The following HRH4 variants were observed in gnomAD, a reference collection of about 807,000 sequenced individuals.
The protein encoded by HRH4 is histamine H4 receptor.
Under a neutral mutation model 10.4 loss-of-function variants are expected in HRH4, and 12 were observed. The ratio of observed to expected loss-of-function variants is 1.15; its 90% CI spans 0.74 to 1.87. The LOEUF (loss-of-function observed/expected upper bound fraction) is 1.87, where lower values mean the gene tolerates loss of function less well. Among genes scored for constraint, HRH4 ranks in the 40% most tolerant of loss-of-function variants. The pLI is 0.00. For missense variants in HRH4, 415 were observed against 453.3 expected (o/e 0.92, Z 0.77); for synonymous variants, 154 against 166.6 (o/e 0.92, Z 0.58).
intron 1 of HRH4, among the ~76,000 whole-genome samples, chr18:24,467,807 G>T (rs968720773): frequency 5.3e-5 from 8 of 152,166 alleles, no homozygotes; most frequent in African/African-American, 1.9e-4. Flanking sequence ...GCCTCCCAGA[G>T]GGCTGGGATT....
rs573437934 is a variant in HRH4, at chr18:24,470,952, G to A, written c.357+2001G>A. 2.0e-5 allele frequency among the ~76,000 whole-genome samples: 3 copies of A among 149,288 alleles called. No individual in the cohort carries two copies. The Admixed American group carries it at 2.0e-4, about 10-fold the overall frequency. ...GATTTTTTTTTTTTAACCAAGTAGTGCAGAATCACACAGTCATTTCCGCTT... is the reference window on the plus strand; with the variant it reads ...GATTTTTTTTTTTTAACCAAGTAGTACAGAATCACACAGTCATTTCCGCTT... On this transcript the variant is annotated intron_variant, in intron 2 of 2. Coordinates refer to ENST00000256906, the MANE Select transcript of HRH4 (RefSeq NM_021624.4).
chr18:24,467,725 G>A (rs1467553164), intron 1 of HRH4, among the ~76,000 whole-genome samples: 1 of 152,022 alleles, frequency 6.6e-6, no homozygotes. Context: ...TGTATTTTTA[G>A]TAGAGATGAG....
chr18:24,469,799 GT>G (rs767375078), intron 2 of HRH4, among the ~76,000 whole-genome samples: 1 of 152,068 alleles, frequency 6.6e-6, no homozygotes, highest in African/African-American at 2.4e-5. Context: ...ATGTGTGCAG[GT>G]TTTTTTACAT....
intron 2 of HRH4, 106 bp downstream of exon 2, chr18:24,469,057 G>T: frequency 1.3e-6 from 1 of 786,524 alleles, no homozygotes; most frequent in Non-Finnish European, 2.0e-6. Context: ...TAATCGACAG[G>T]CCTTAGAGGA....
At chr18:24,475,750 G>A (rs1245091604) in intron 2 of HRH4, among the ~76,000 whole-genome samples, 4 of 152,226 alleles carry the variant, frequency 2.6e-5, no homozygotes, top group Non-Finnish European at 5.9e-5. Flanking sequence ...GCTCACATGT[G>A]TAATCCAAGC....
intron 2 of HRH4, 84 bp from the exon 3 acceptor site, chr18:24,476,663 C>A: frequency 9.6e-7 from 1 of 1,046,174 alleles, no homozygotes; most frequent in Non-Finnish European, 1.4e-6. Context: ...TTTGCACATC[C>A]CTGAAATTTC....
chr18:24,479,282 A>T lies in HRH4; in HGVS notation c.*1720A>T, dbSNP rs2144389626. On this transcript the variant is annotated 3_prime_UTR_variant, in exon 3 of 3. Coordinates refer to ENST00000256906, the MANE Select transcript of HRH4 (RefSeq NM_021624.4). ...AGACACCACAATAATTATTGCCTGT[A>T]TGTCAATTATTATTTTAAAATATTG... 1 of 152,224 alleles carries T rather than the reference A, an allele frequency of 6.6e-6. No homozygotes were observed. Among genetic ancestry groups the T allele is most frequent in the South Asian group, 2.1e-4 (1 of 4,828 alleles). The allele number at this position is 152,224 out of a possible 1,614,324, so 9.4% of individuals were successfully genotyped here.
chr18:24,460,665 A>G lies in HRH4; in HGVS notation c.-64A>G, dbSNP rs979705773. 2.9e-5 allele frequency: 32 copies of G among 1,101,532 alleles called. No individual in the cohort carries two copies. In the African/African-American group the frequency reaches 4.4e-4, roughly 15 times the overall value. 68.2% of individuals were successfully genotyped at this position (1,101,532 alleles called of 1,614,324 possible). ...CATTTTAGGTATGTGATTAGAAAAC[A>G]TACTTGTCAGAATTGTCTGGCTGGA... On this transcript the variant is annotated 5_prime_UTR_variant, in exon 1 of 3. Transcript: ENST00000256906.
chr18:24,477,058 C>A lies in HRH4; in HGVS notation c.669C>A (p.Ile223=), dbSNP rs746608877. The change falls in exon 3 of 3, where the codon ATC becomes ATA. Residue 223 remains isoleucine (I), a synonymous_variant. Transcript: ENST00000256906. ...HPGLTAVSSN[I]CGHSFRGRLS... ...GACTGACTGCTGTCTCTTCCAACAT[C>A]TGTGGACACTCATTCAGAGGTAGAC... The A allele has an allele frequency of 2.8e-5, 45 of 1,614,244 alleles. No homozygotes were observed. The highest frequency in any genetic ancestry group is 3.7e-5 in the Non-Finnish European group (44 of 1,180,052).
chr18:24,474,528 C>T (rs775445664), intron 2 of HRH4, among the ~76,000 whole-genome samples: 2 of 152,018 alleles, frequency 1.3e-5, no homozygotes, highest in Non-Finnish European at 2.9e-5. Flanking sequence ...CCATGAGAAA[C>T]CATTGCAGAA....
chr18:24,466,993 A>C (rs1909795061), intron 1 of HRH4, among the ~76,000 whole-genome samples: 1 of 152,240 alleles, frequency 6.6e-6, no homozygotes, highest in Non-Finnish European at 1.5e-5. Context: ...CTATTTGTTC[A>C]TGCAGTGAAG....
rs537126783 is a variant in HRH4, at chr18:24,463,994, G to C, written c.193+3073G>C. On this transcript the variant is annotated intron_variant, in intron 1 of 2. Transcript: ENST00000256906. ...TTGTGGCCTACATGACCATGTGACA[G>C]ATGGCTGGACAGGATCTTCAGGGGA... Among the ~76,000 whole-genome samples the C allele has an allele frequency of 2.0e-5, 3 of 152,288 alleles. No homozygotes were observed. In the East Asian group the frequency reaches 5.8e-4, roughly 29 times the overall value.
Position 24,477,245 on chromosome 18 carries a change from G to A in HRH4, c.856G>A (p.Ala286Thr), listed in dbSNP as rs1910167150. ...MGSFSQSDSVALHQREHVELL... is the reference protein window; with the variant it reads ...MGSFSQSDSVTLHQREHVELL... ...TTCCTTCTCCCAATCAGATTCTGTA[G>A]CTCTTCACCAAAGGGAACATGTTGA... Residue 286 changes from alanine to threonine, a missense_variant, in exon 3 of 3, where the codon GCT becomes ACT. Coordinates refer to ENST00000256906, the MANE Select transcript of HRH4 (RefSeq NM_021624.4). The A allele has an allele frequency of 6.2e-7, 1 of 1,614,190 alleles. No homozygotes were observed. The highest frequency in any genetic ancestry group is 8.5e-7 in the Non-Finnish European group (1 of 1,180,030).
intron 2 of HRH4, among the ~76,000 whole-genome samples, chr18:24,476,213 G>GT (rs1910127112): frequency 6.6e-6 from 1 of 152,110 alleles, no homozygotes; most frequent in African/African-American, 2.4e-5. Context: ...AATGGATTTG[G>GT]TGCTGTGATT....
intron 1 of HRH4, among the ~76,000 whole-genome samples, chr18:24,466,448 TAC>T (rs1909778587): frequency 6.6e-6 from 1 of 151,556 alleles, no homozygotes; most frequent in Non-Finnish European, 1.5e-5. Context: ...ACCATAGACA[TAC>T]ACACACATAC....
intron 2 of HRH4, among the ~76,000 whole-genome samples, chr18:24,474,340 C>A (rs1910070803): frequency 6.7e-6 from 1 of 149,942 alleles, no homozygotes; most frequent in African/African-American, 2.4e-5. Flanking sequence ...AAAAGACCAG[C>A]AATTTGAGAG....
chr18:24,474,688 C>A (rs1053118557), intron 2 of HRH4, among the ~76,000 whole-genome samples: 6 of 113,318 alleles, frequency 5.3e-5, no homozygotes, highest in African/African-American at 1.8e-4. Flanking sequence ...AACCTTGGAA[C>A]CTTACTGATT....
chr18:24,462,466 C>A (rs1390600448), intron 1 of HRH4, among the ~76,000 whole-genome samples: 1 of 152,144 alleles, frequency 6.6e-6, no homozygotes, highest in Non-Finnish European at 1.5e-5. Context: ...AGGCAGAAAT[C>A]ATGCAGTTAG....
At chr18:24,466,805 A>C (rs1909788839) in intron 1 of HRH4, among the ~76,000 whole-genome samples, 1 of 152,232 alleles carries the variant, frequency 6.6e-6, no homozygotes, top group Non-Finnish European at 1.5e-5. Context: ...TAACTCAACA[A>C]AGTAAGATTT....
Sources: allele counts gnomAD v4.1 joint callset (sites outside exome capture counted in the v4.1 genomes callset), GRCh38; gene constraint gnomAD v4.1.1; transcripts MANE v1.5; gene names NCBI Gene and HGNC (gene_info 2026-07-23, HGNC 2026-07-21).